Variants in HOMER3 observed in about 807,000 individuals in gnomAD.
HOMER3 encodes the protein homer scaffold protein 3.
Under a neutral mutation model 45.5 loss-of-function variants are expected in HOMER3, and 34 were observed. The ratio of observed to expected loss-of-function variants is 0.75; its 90% CI spans 0.57 to 1.00. The LOEUF (loss-of-function observed/expected upper bound fraction) is 1.00, where lower values mean the gene tolerates loss of function less well. Ranked by LOEUF, HOMER3 falls within the 50% of genes least tolerant of loss-of-function variation. The pLI, the probability that HOMER3 is intolerant of heterozygous loss-of-function variation, is 0.00. For missense variants in HOMER3, 480 were observed against 497.5 expected (o/e 0.96, Z 0.33); for synonymous variants, 223 against 208.8 (o/e 1.07, Z -0.58).
At chr19:18,934,209 C>T in intron 5 of HOMER3, 94 bp downstream of exon 5, 1 of 672,588 alleles carries the variant, frequency 1.5e-6, no homozygotes, top group Non-Finnish European at 2.3e-6. Context: ...GCAGAGTGCC[C>T]CGGTCTCCCA....
At chr19:18,931,773 C>T (rs2057035564) in intron 7 of HOMER3, 148 bp from the exon 8 acceptor site, 2 of 1,468,978 alleles carry the variant, frequency 1.4e-6, no homozygotes, top group African/African-American at 1.4e-5. Context: ...CTCTGCACAG[C>T]TTGGACTTTA....
At chr19:18,934,028 A>G (rs2057065826) in intron 5 of HOMER3, among the ~76,000 whole-genome samples, 2 of 152,180 alleles carry the variant, frequency 1.3e-5, no homozygotes, top group South Asian at 4.1e-4. Flanking sequence ...TTCAATTTCT[A>G]GTCTTCCATC....
chr19:18,936,871 A>G (rs535865021), intron 4 of HOMER3, among the ~76,000 whole-genome samples: 3 of 151,858 alleles, frequency 2.0e-5, no homozygotes, highest in Non-Finnish European at 4.4e-5. Context: ...AGGCGCCTGT[A>G]GTCCCAGCTA....
intron 3 of HOMER3, 91 bp downstream of exon 3, chr19:18,938,637 T>C: frequency 3.3e-6 from 5 of 1,512,648 alleles, no homozygotes; most frequent in Non-Finnish European, 4.5e-6. Context: ...TAGGGTTTCC[T>C]GTCCCTTGGG....
chr19:18,933,829 C>T (rs1328171900), intron 5 of HOMER3, among the ~76,000 whole-genome samples: 3 of 152,094 alleles, frequency 2.0e-5, no homozygotes, highest in East Asian at 1.9e-4. Flanking sequence ...CTCAGCCTCC[C>T]GAGTAGCTGG....
chr19:18,930,037 G>A (rs1203803676), intron 9 of HOMER3, among the ~76,000 whole-genome samples: 1 of 151,640 alleles, frequency 6.6e-6, no homozygotes, highest in Non-Finnish European at 1.5e-5. Context: ...ATCCCCTGAG[G>A]TCAGGAGTTC....
rs889034678 is a variant in HOMER3, at chr19:18,932,194, C to A, written c.534-62G>T. ...GGCTGGGGGGCGGAGTCGGGCGATG[C>A]TGGGCTAGGGGGCGGGGCCAGGGGT... is the stretch of plus-strand genomic sequence containing the variant. On this transcript the variant is annotated intron_variant, in intron 6 of 9. Transcript: ENST00000392351. 1.7e-5 allele frequency: 8 copies of A among 477,902 alleles called. No individual in the cohort carries two copies. In the African/African-American group the frequency reaches 1.8e-4, roughly 11 times the overall value. 29.6% of individuals were successfully genotyped at this position (477,902 alleles called of 1,614,324 possible).
chr19:18,937,998 C>G (rs757813807), intron 4 of HOMER3, among the ~76,000 whole-genome samples: 2 of 151,948 alleles, frequency 1.3e-5, no homozygotes, highest in Non-Finnish European at 2.9e-5. Flanking sequence ...TCGAGACCAG[C>G]CTGGCCAACA....
In HOMER3 at chr19:18,932,004, C is replaced by G. The variant is rs779202135; in HGVS notation, c.662G>C (p.Arg221Pro). 1.9e-6 allele frequency: 3 copies of G among 1,545,630 alleles called. No individual in the cohort carries two copies. The highest frequency in any genetic ancestry group is 1.2e-5 in the South Asian group (1 of 83,700). ...CTGCCGCAGCCGCTCGGCCTCTGCACGCTGAGCCTCCAGCTGCTGCCTCCA... is the reference window on the plus strand; with the variant it reads ...CTGCCGCAGCCGCTCGGCCTCTGCAGGCTGAGCCTCCAGCTGCTGCCTCCA... Reference protein sequence around the residue: ...AQWRQQLEAQRAEAERLRQRV... With the variant: ...AQWRQQLEAQPAEAERLRQRV... Residue 221 changes from arginine (R) to proline (P), a missense_variant, in exon 7 of 10, where the codon CGT (arginine) becomes CCT (proline). Coordinates refer to ENST00000392351, the MANE Select transcript of HOMER3 (RefSeq NM_004838.4).
intron 9 of HOMER3, among the ~76,000 whole-genome samples, chr19:18,930,803 T>C (rs1369147679): frequency 6.6e-6 from 1 of 151,362 alleles, no homozygotes; most frequent in East Asian, 2.0e-4. Context: ...AGATCAGGAG[T>C]TGAGACCAGC....
intron 9 of HOMER3, among the ~76,000 whole-genome samples, chr19:18,930,938 G>T (rs1193167689): frequency 1.3e-5 from 2 of 152,142 alleles, no homozygotes; most frequent in East Asian, 3.9e-4. Context: ...AACCCGGGAG[G>T]TGGAGGTTGC....
In HOMER3 at chr19:18,938,445, TGAA is replaced by T; in HGVS notation, c.208_210del (p.Phe70del). The T allele has an allele frequency of 1.2e-6, 2 of 1,614,086 alleles. No homozygotes were observed. Among genetic ancestry groups the T allele is most frequent in the Non-Finnish European group, 1.7e-6 (2 of 1,179,956 alleles). On this transcript the variant is annotated inframe_deletion, in exon 4 of 10. Coordinates refer to ENST00000392351, the MANE Select transcript of HOMER3 (RefSeq NM_004838.4). ...TGCCCGAACTTCTGGGAAGTTTTGGTGAAGGTCATGTTGGGAGTGACAGTGCTG... is the reference window on the plus strand; with the variant it reads ...TGCCCGAACTTCTGGGAAGTTTTGGTGGTCATGTTGGGAGTGACAGTGCTG...
intron 9 of HOMER3, among the ~76,000 whole-genome samples, chr19:18,930,545 A>AT (rs1409791322): frequency 1.3e-5 from 2 of 151,304 alleles, no homozygotes; most frequent in Non-Finnish European, 2.9e-5. Flanking sequence ...AAAAAAAAAA[A>AT]GTACCCCCTG....
chr19:18,931,111 G>C (rs2057026663), intron 9 of HOMER3: 7 of 530,528 alleles, frequency 1.3e-5, no homozygotes, highest in Non-Finnish European at 2.3e-5. Context: ...GTCTGGCATG[G>C]GAATACAGCA....
chr19:18,932,202 G>T, intron 6 of HOMER3, 70 bp from the exon 7 acceptor site: 1 of 1,381,078 alleles, frequency 7.2e-7, no homozygotes, highest in Non-Finnish European at 9.8e-7. Context: ...TGCTGGGCTA[G>T]GGGGCGGGGC....
In HOMER3 at chr19:18,931,565, G is replaced by A; in HGVS notation, c.751C>T (p.Leu251=). ...EVTPTGEKEG[L]GQGQSLEQLE... ...TGTTCCAGCGACTGGCCCTGGCCCA[G>A]CCCCTCCTTCTCACCGGTGGGGGTC... is the stretch of plus-strand genomic sequence containing the variant. The change falls in exon 8 of 10, where the codon CTG becomes TTG. Residue 251 remains leucine, a synonymous_variant. Transcript: ENST00000392351. 1.2e-6 allele frequency: 2 copies of A among 1,613,478 alleles called. No homozygotes were observed. The highest frequency in any genetic ancestry group is 1.7e-6 in the Non-Finnish European group (2 of 1,179,970).
intron 4 of HOMER3, 79 bp from the exon 5 acceptor site, chr19:18,934,489 C>T (rs2057071079): frequency 1.1e-5 from 9 of 782,834 alleles, no homozygotes; most frequent in Middle Eastern, 2.4e-4. Flanking sequence ...GTGACAGCCC[C>T]GCCACTTTCG....
chr19:18,934,875 T>G (rs1367108875), intron 4 of HOMER3, among the ~76,000 whole-genome samples: 1 of 130,478 alleles, frequency 7.7e-6, no homozygotes, highest in African/African-American at 2.5e-5. Flanking sequence ...TTTTTTGTTT[T>G]TTTTTTTTTT....
chr19:18,939,199 G>T, intron 1 of HOMER3, 150 bp from the exon 2 acceptor site: 1 of 526,502 alleles, frequency 1.9e-6, no homozygotes, highest in East Asian at 3.0e-5. Context: ...TGGTGCTTTG[G>T]GAGGCTGAGT....
Sources: gnomAD v4.1 joint callset for allele counts (sites outside exome capture counted in the v4.1 genomes callset) on GRCh38, gnomAD v4.1.1 for gene constraint, MANE v1.5 for transcripts, NCBI Gene and HGNC (gene_info 2026-07-23, HGNC 2026-07-21) for gene names.